GABRA3: variants seen among roughly 807,000 people sequenced by gnomAD.
GABRA3 encodes gamma-aminobutyric acid receptor subunit alpha-3.
In GABRA3, 10 loss-of-function variants were observed where a neutral mutation model predicts 30.1. That is an observed-to-expected ratio of 0.33 (90% CI 0.20 to 0.56). GABRA3 has a LOEUF of 0.56. Among genes scored for constraint, GABRA3 ranks in the 20% least tolerant of loss-of-function variants. The pLI is 0.89. For missense variants in GABRA3, 233 were observed against 392.0 expected (o/e 0.59, Z 3.42); for synonymous variants, 151 against 146.8 (o/e 1.03, Z -0.21).
chrX:152,273,424 A>T (rs1027880025), intron 4 of GABRA3, among the ~76,000 whole-genome samples: 2 of 112,331 alleles, frequency 1.8e-5, no homozygotes, highest in African/African-American at 6.5e-5. Flanking sequence ...TGATCCTGCA[A>T]ATCCACTACT....
chrX:152,237,156 T>C (rs1264754043), intron 5 of GABRA3, among the ~76,000 whole-genome samples: 2 of 111,689 alleles, frequency 1.8e-5, no homozygotes, highest in Non-Finnish European at 1.9e-5. Context: ...CTAATCCATC[T>C]TGAATTGATT....
Position 152,168,218 on chromosome X carries a change from C to T in GABRA3, c.*10G>A, listed in dbSNP as rs749054752. ...ATACAGTGCTCTGGTTGCTGCACTG[C>T]CACCACTATCTACTGTTTGCGGATC... On this transcript the variant is annotated 3_prime_UTR_variant, in exon 10 of 10. Coordinates refer to ENST00000370314, the MANE Select transcript of GABRA3 (RefSeq NM_000808.4). 11 of 1,197,696 alleles carry T rather than the reference C, an allele frequency of 9.2e-6. No homozygotes were observed. In the South Asian group the frequency reaches 1.8e-4, roughly 19 times the overall value.
chrX:152,302,079 A>G (rs1241431530), intron 3 of GABRA3, among the ~76,000 whole-genome samples: 2 of 111,857 alleles, frequency 1.8e-5, no homozygotes, highest in East Asian at 5.6e-4. Flanking sequence ...GAATTAGAAT[A>G]AAACAATTCA....
chrX:152,192,288 G>A (rs931196922), intron 8 of GABRA3, among the ~76,000 whole-genome samples: 6 of 111,976 alleles, frequency 5.4e-5, no homozygotes, highest in Non-Finnish European at 1.1e-4. Flanking sequence ...TGTCACCAGT[G>A]CTTCTCTTTC....
intron 1 of GABRA3, among the ~76,000 whole-genome samples, chrX:152,442,531 T>C (rs778811037): frequency 7.7e-4 from 86 of 111,607 alleles, no homozygotes; most frequent in African/African-American, 2.7e-3. Flanking sequence ...AAGATCCCCT[T>C]CACAAAATTA....
intron 5 of GABRA3, among the ~76,000 whole-genome samples, chrX:152,238,791 G>A (rs1391121460): frequency 4.6e-5 from 5 of 107,889 alleles, no homozygotes; most frequent in African/African-American, 1.3e-4. Flanking sequence ...AGAGGTGTTT[G>A]TAGTATTCTC....
At chrX:152,188,784 C>T (rs1232047246) in intron 9 of GABRA3, among the ~76,000 whole-genome samples, 2 of 111,714 alleles carry the variant, frequency 1.8e-5, no homozygotes, top group South Asian at 7.5e-4. Context: ...AAATCATTAT[C>T]GTTTCTCTTC....
At chrX:152,418,800 C>A (rs1930300513) in intron 1 of GABRA3, among the ~76,000 whole-genome samples, 1 of 111,368 alleles carries the variant, frequency 9.0e-6, no homozygotes, top group Non-Finnish European at 1.9e-5. Flanking sequence ...GGTATATACC[C>A]AAAGGATTAT....
At chrX:152,241,193 T>A (rs1938357933) in intron 5 of GABRA3, among the ~76,000 whole-genome samples, 2 of 97,976 alleles carry the variant, frequency 2.0e-5, no homozygotes, top group South Asian at 9.9e-4. Context: ...ATGTCCTTTC[T>A]GTTTGTTAGT....
At chrX:152,346,021 C>T (rs1316628959) in intron 2 of GABRA3, among the ~76,000 whole-genome samples, 1 of 111,415 alleles carries the variant, frequency 9.0e-6, no homozygotes, top group Non-Finnish European at 1.9e-5. Flanking sequence ...TCCCGGCATA[C>T]AGTTGGTTCA....
intron 3 of GABRA3, among the ~76,000 whole-genome samples, chrX:152,344,967 A>G (rs1313300910): frequency 2.7e-5 from 3 of 111,990 alleles, no homozygotes; most frequent in African/African-American, 9.7e-5. Context: ...CCCGTGATAT[A>G]TTATAATATA....
At chrX:152,249,907 A>C (rs1330089220) in intron 5 of GABRA3, among the ~76,000 whole-genome samples, 1 of 111,232 alleles carries the variant, frequency 9.0e-6, no homozygotes, top group Non-Finnish European at 1.9e-5. Flanking sequence ...GCTATACCCC[A>C]CAGACTCATT....
chrX:152,237,186 A>T (rs1383762746), intron 5 of GABRA3, among the ~76,000 whole-genome samples: 1 of 111,564 alleles, frequency 9.0e-6, no homozygotes, highest in East Asian at 2.8e-4. Flanking sequence ...GGTGTAAGGA[A>T]GGGATCCAGT....
At chrX:152,370,382 T>C (rs1424106015) in intron 1 of GABRA3, among the ~76,000 whole-genome samples, 1 of 112,043 alleles carries the variant, frequency 8.9e-6, no homozygotes, top group East Asian at 2.8e-4. Context: ...AAGTCAACTC[T>C]GCCATTTGTC....
At chrX:152,447,156 G>A (rs147475287) in intron 1 of GABRA3, among the ~76,000 whole-genome samples, 134 of 110,899 alleles carry the variant, frequency 1.2e-3, no homozygotes, top group African/African-American at 4.1e-3. Flanking sequence ...GGAGGGCAGA[G>A]GCTATTCTTA....
intron 1 of GABRA3, among the ~76,000 whole-genome samples, chrX:152,366,426 CAAAG>C (rs1381641557): frequency 9.0e-6 from 1 of 111,507 alleles, no homozygotes; most frequent in East Asian, 2.8e-4. Context: ...GCTGTGTAAA[CAAAG>C]AGATCCATAG....
chrX:152,179,346 C>T (rs1332677191), intron 9 of GABRA3, among the ~76,000 whole-genome samples: 1 of 110,774 alleles, frequency 9.0e-6, no homozygotes. Flanking sequence ...GAATACAGAA[C>T]ATTGCTATTA....
intron 1 of GABRA3, among the ~76,000 whole-genome samples, chrX:152,397,139 C>A (rs1929680771): frequency 8.9e-6 from 1 of 111,986 alleles, no homozygotes; most frequent in South Asian, 3.7e-4. Flanking sequence ...ACAATCTCTG[C>A]AGAAGCTGGT....
At chrX:152,271,397 T>C (rs748127234) in intron 4 of GABRA3, among the ~76,000 whole-genome samples, 1 of 112,402 alleles carries the variant, frequency 8.9e-6, no homozygotes, top group Non-Finnish European at 1.9e-5. Flanking sequence ...TGCTATGCTT[T>C]AGCAAAGAGA....
Sources: gnomAD v4.1 joint callset for allele counts (sites outside exome capture counted in the v4.1 genomes callset) on GRCh38, gnomAD v4.1.1 for gene constraint, MANE v1.5 for transcripts, NCBI Gene and HGNC (gene_info 2026-07-23, HGNC 2026-07-21) for gene names.